R3HDM1: variants seen among roughly 807,000 people sequenced by gnomAD.
R3HDM1 encodes R3H domain-containing protein 1.
In R3HDM1, 46 loss-of-function variants were observed where a neutral mutation model predicts 141.1. That is an observed-to-expected ratio of 0.33 (90% confidence interval 0.26 to 0.42). The LOEUF (loss-of-function observed/expected upper bound fraction) is 0.42. Ranked by LOEUF, R3HDM1 falls within the 10% of genes least tolerant of loss-of-function variation. The pLI is 1.00. For missense variants in R3HDM1, 1,184 were observed against 1,368.3 expected (o/e 0.87, Z 2.12); for synonymous variants, 435 against 472.9 (o/e 0.92, Z 1.04).
rs572421696 is a variant in R3HDM1, at chr2:135,593,743, C to T, written c.-249-8757C>T. 3.0e-4 allele frequency among the ~76,000 whole-genome samples: 45 copies of T among 151,990 alleles called. No homozygotes were observed. In the South Asian group the frequency reaches 4.4e-3, roughly 15 times the overall value. ...TATTATTTTATTTATTTTTTTGAGA[C>T]GGAGTCTGACTCTATCACCCAGGCT... On this transcript the variant is annotated intron_variant, in intron 1 of 26. Transcript: ENST00000683871.
At chr2:135,550,681 G>A (rs1414397605) in intron 1 of R3HDM1, among the ~76,000 whole-genome samples, 1 of 152,114 alleles carries the variant, frequency 6.6e-6, no homozygotes, top group Non-Finnish European at 1.5e-5. Flanking sequence ...ATGACTTAGT[G>A]GAGATCTATT....
intron 1 of R3HDM1, among the ~76,000 whole-genome samples, chr2:135,596,289 C>T (rs74973540): frequency 1.3e-5 from 2 of 152,152 alleles, no homozygotes; most frequent in Non-Finnish European, 2.9e-5. Context: ...TGAGCCACCG[C>T]GCCCAGCCTA....
chr2:135,558,957 G>T, intron 1 of R3HDM1: 1 of 927,418 alleles, frequency 1.1e-6, no homozygotes, highest in Non-Finnish European at 1.3e-6. Context: ...AAAGTTTAAA[G>T]GGTTACTACT....
intron 1 of R3HDM1, among the ~76,000 whole-genome samples, chr2:135,562,413 T>C (rs940799618): frequency 6.6e-6 from 1 of 152,252 alleles, no homozygotes; most frequent in African/African-American, 2.4e-5. Flanking sequence ...TTAGATGATA[T>C]GACTTATTCT....
chr2:135,667,107 C>T, intron 19 of R3HDM1: 1 of 918,602 alleles, frequency 1.1e-6, no homozygotes, highest in Non-Finnish European at 1.3e-6. Flanking sequence ...TCCTTTAGAA[C>T]AAATGCTAGT....
intron 1 of R3HDM1, among the ~76,000 whole-genome samples, chr2:135,553,123 G>T (rs1573713407): frequency 1.3e-5 from 2 of 152,258 alleles, no homozygotes; most frequent in Admixed American, 1.3e-4. Flanking sequence ...ACCTGCCTTG[G>T]CCTCCCAAAG....
chr2:135,645,029 G>A (rs2064237299), intron 15 of R3HDM1, among the ~76,000 whole-genome samples: 1 of 152,098 alleles, frequency 6.6e-6, no homozygotes, highest in Admixed American at 6.6e-5. Context: ...TTGCACTGAG[G>A]TGAGATTGTG....
Position 135,636,028 on chromosome 2 carries a change from A to C in R3HDM1, c.807+30A>C, listed in dbSNP as rs1220139732. 1.9e-6 allele frequency: 3 copies of C among 1,609,218 alleles called. No individual in the cohort carries two copies. In the South Asian group the frequency reaches 3.3e-5, roughly 18 times the overall value. Reference sequence around the variant, plus strand: ...TCTAGAACAATTGTAGGATTTGTATAGGTGCAAGACATACTATACCAGTAG... The same window carrying C: ...TCTAGAACAATTGTAGGATTTGTATCGGTGCAAGACATACTATACCAGTAG... On this transcript the variant is annotated intron_variant, in intron 10 of 26. Transcript: ENST00000683871.
chr2:135,586,990 G>C (rs904633045), intron 1 of R3HDM1: 1 of 984,824 alleles, frequency 1.0e-6, no homozygotes, highest in African/African-American at 1.7e-5. Flanking sequence ...AAAACTCATG[G>C]TAACGGTTTT....
chr2:135,668,797 G>A (rs2105326969), intron 19 of R3HDM1, among the ~76,000 whole-genome samples: 1 of 152,320 alleles, frequency 6.6e-6, no homozygotes, highest in Non-Finnish European at 1.5e-5. Context: ...GCCTGACTTT[G>A]TGGAGAAGAC....
At chr2:135,646,001 C>CAG in intron 16 of R3HDM1, among the ~76,000 whole-genome samples, 1 of 152,268 alleles carries the variant, frequency 6.6e-6, no homozygotes, top group African/African-American at 2.4e-5. Context: ...AAAGTACTCT[C>CAG]AGTAATATTT....
intron 11 of R3HDM1, among the ~76,000 whole-genome samples, chr2:135,638,251 T>C (rs1169367137): frequency 1.3e-5 from 2 of 152,184 alleles, no homozygotes; most frequent in Non-Finnish European, 2.9e-5. Context: ...TGTTCACTGC[T>C]CTAGCCACAG....
At chr2:135,688,965 T>C (rs529371548) in intron 21 of R3HDM1, among the ~76,000 whole-genome samples, 1 of 152,324 alleles carries the variant, frequency 6.6e-6, no homozygotes, top group African/African-American at 2.4e-5. Context: ...TTTTTACATT[T>C]CTAGAATCTC....
intron 9 of R3HDM1, 53 bp from the exon 10 acceptor site, chr2:135,635,837 A>G (rs138680177): frequency 2.6e-5 from 40 of 1,528,186 alleles, no homozygotes; most frequent in Non-Finnish European, 3.4e-5. Context: ...CTTCTTTGCT[A>G]ATATTGTTCA....
intron 1 of R3HDM1, chr2:135,577,033 C>G (rs1705597455): frequency 1.2e-6 from 1 of 805,198 alleles, no homozygotes; most frequent in Non-Finnish European, 1.5e-6. Context: ...CAATAATTAG[C>G]TGTTACAAAA....
At chr2:135,583,582 AC>A (rs1218608740) in intron 1 of R3HDM1, among the ~76,000 whole-genome samples, 4 of 152,214 alleles carry the variant, frequency 2.6e-5, no homozygotes, top group Non-Finnish European at 2.9e-5. Flanking sequence ...ATCAGTGATT[AC>A]CTTAGTGGTT....
At chr2:135,718,269 C>T (rs115534876) in intron 24 of R3HDM1, among the ~76,000 whole-genome samples, 2,094 of 152,140 alleles carry the variant, frequency 0.014, 27 homozygotes, top group Admixed American at 0.029. Context: ...TATGGTTACA[C>T]GGACTTTTAC....
At chr2:135,572,519 T>C (rs1704368089) in intron 1 of R3HDM1, among the ~76,000 whole-genome samples, 1 of 152,164 alleles carries the variant, frequency 6.6e-6, no homozygotes, top group Non-Finnish European at 1.5e-5. Context: ...AGGATGACTA[T>C]AATAAAACAA....
intron 1 of R3HDM1, among the ~76,000 whole-genome samples, chr2:135,532,730 T>C (rs1695189876): frequency 6.6e-6 from 1 of 152,200 alleles, no homozygotes; most frequent in Non-Finnish European, 1.5e-5. Context: ...TTCTAAGTAA[T>C]AGGATACCAG....
Sources: gnomAD v4.1 joint callset for allele counts (sites outside exome capture counted in the v4.1 genomes callset) on GRCh38, gnomAD v4.1.1 for gene constraint, MANE v1.5 for transcripts, NCBI Gene and HGNC (gene_info 2026-07-23, HGNC 2026-07-21) for gene names.